ROBO1: variants seen among roughly 807,000 people sequenced by gnomAD.
ROBO1 encodes the protein roundabout homolog 1.
Under a neutral mutation model 195.9 loss-of-function variants are expected in ROBO1, and 149 were observed. That is an observed-to-expected ratio of 0.76 (90% CI 0.67 to 0.87). ROBO1 has a LOEUF of 0.87. ROBO1 is among the 40% of genes least tolerant of loss of function. ROBO1 has a pLI of 0.00. For missense variants in ROBO1, 1,933 were observed against 2,068.3 expected (o/e 0.93, Z 1.27); for synonymous variants, 816 against 733.2 (o/e 1.11, Z -1.82).
At chr3:78,865,660 A>T (rs1352771652) in intron 4 of ROBO1, among the ~76,000 whole-genome samples, 1 of 151,560 alleles carries the variant, frequency 6.6e-6, no homozygotes, top group African/African-American at 2.4e-5. Context: ...TTTAGTAGAG[A>T]CGGGGTTTCA....
rs1180096551 is a variant in ROBO1, at chr3:79,735,264, A to G, written c.-51+32488T>C. ...TCAAGAATTATCAAGCTAGAGGGCA[A>G]TGACTTCAGTAGCACAATAAGGAAT... On this transcript the variant is annotated intron_variant, in intron 1 of 30. Coordinates refer to ENST00000464233, the MANE Select transcript of ROBO1 (RefSeq NM_002941.4). 3.9e-5 allele frequency among the ~76,000 whole-genome samples: 6 copies of G among 152,224 alleles called. No individual in the cohort carries two copies. The East Asian group carries it at 9.7e-4, about 25-fold the overall frequency.
rs17016758 is a variant in ROBO1 at position 79,122,272 on chromosome 3, G to A, written c.172+3184C>T. On this transcript the variant is annotated intron_variant, in intron 3 of 30. Transcript: ENST00000464233. ...ACACGCGTGGTTAAACAAGAAATGG[G>A]CCACTTCACTGTAAATAATGCCCAA... Among the ~76,000 whole-genome samples, 1,249 of 152,066 alleles carry A rather than the reference G, an allele frequency of 8.2e-3. 22 individuals carry two copies. The highest frequency in any genetic ancestry group is 0.029 in the African/African-American group (1,205 of 41,522).
At chr3:78,798,570 T>A (rs2108560988) in intron 4 of ROBO1, among the ~76,000 whole-genome samples, 1 of 152,328 alleles carries the variant, frequency 6.6e-6, no homozygotes, top group South Asian at 2.1e-4. Flanking sequence ...CACACATCTT[T>A]TTATTATCAG....
intron 2 of ROBO1, among the ~76,000 whole-genome samples, chr3:79,191,511 C>T (rs1279631218): frequency 1.3e-5 from 2 of 151,284 alleles, no homozygotes; most frequent in Admixed American, 6.6e-5. Flanking sequence ...AGGTAATTAA[C>T]TGTGTGAAGT....
intron 2 of ROBO1, among the ~76,000 whole-genome samples, chr3:79,352,079 T>C (rs2035364769): frequency 6.6e-6 from 1 of 152,232 alleles, no homozygotes; most frequent in South Asian, 2.1e-4. Flanking sequence ...ATGCTAGATA[T>C]TCCTTTTGCT....
intron 3 of ROBO1, among the ~76,000 whole-genome samples, chr3:79,023,155 G>A (rs1448571863): frequency 3.7e-4 from 1 of 2,704 alleles, no homozygotes; most frequent in Non-Finnish European, 1.5e-3. Context: ...CTGATGAGAA[G>A]CAGTGACACA....
At chr3:79,365,569 C>A (rs1256144148) in intron 2 of ROBO1, among the ~76,000 whole-genome samples, 2 of 152,134 alleles carry the variant, frequency 1.3e-5, no homozygotes, top group Non-Finnish European at 2.9e-5. Context: ...CTTGCAGCTG[C>A]ACTTCTATTT....
At chr3:79,759,449 C>A (rs570569205) in intron 1 of ROBO1, among the ~76,000 whole-genome samples, 28 of 152,252 alleles carry the variant, frequency 1.8e-4, no homozygotes, top group African/African-American at 6.5e-4. Context: ...TTCTTCCTTC[C>A]AAGTACTGAA....
chr3:79,375,732 C>T (rs930174113), intron 2 of ROBO1, among the ~76,000 whole-genome samples: 3 of 152,058 alleles, frequency 2.0e-5, no homozygotes, highest in African/African-American at 7.2e-5. Context: ...ACTCAGTCCT[C>T]GCTATATTAA....
Position 79,575,434 on chromosome 3 carries a change from A to G in ROBO1, c.88+14390T>C, listed in dbSNP as rs867198340. Among the ~76,000 whole-genome samples the G allele has an allele frequency of 2.7e-3, 355 of 133,194 alleles. 2 individuals carry two copies. Among genetic ancestry groups the G allele is most frequent in the African/African-American group, 9.3e-3 (334 of 35,724 alleles). 87.4% of individuals were successfully genotyped at this position (133,194 alleles called of 152,430 possible). On this transcript the variant is annotated intron_variant, in intron 2 of 30. Transcript: ENST00000464233. The stretch of plus-strand genomic sequence containing the variant: ...ATAACAAATATATATATAAATATAT[A>G]TATAACAAATATATATAAATATATA...
chr3:79,607,887 C>A (rs1348487799), intron 1 of ROBO1, among the ~76,000 whole-genome samples: 1 of 151,908 alleles, frequency 6.6e-6, no homozygotes, highest in African/African-American at 2.4e-5. Context: ...TTGCCATAAC[C>A]AGGATGTTGA....
chr3:79,474,573 C>T (rs1938449319), intron 2 of ROBO1, among the ~76,000 whole-genome samples: 1 of 152,076 alleles, frequency 6.6e-6, no homozygotes. Flanking sequence ...GCTATTAAAA[C>T]ATCTCCTTAC....
intron 2 of ROBO1, among the ~76,000 whole-genome samples, chr3:79,433,606 C>T (rs187717137): frequency 1.6e-4 from 24 of 152,116 alleles, no homozygotes; most frequent in African/African-American, 4.8e-4. Context: ...GAATCAGTAT[C>T]GTGAAATTGG....
chr3:79,276,871 C>T (rs1431342428), intron 2 of ROBO1, among the ~76,000 whole-genome samples: 1 of 151,944 alleles, frequency 6.6e-6, no homozygotes, highest in Non-Finnish European at 1.5e-5. Flanking sequence ...AAAAAGTGCT[C>T]AACACAATTG....
At chr3:78,837,707 C>G (rs758911286) in intron 4 of ROBO1, among the ~76,000 whole-genome samples, 3 of 151,634 alleles carry the variant, frequency 2.0e-5, no homozygotes, top group Non-Finnish European at 2.9e-5. Context: ...GTTTCCTTTC[C>G]TATATGTACC....
intron 2 of ROBO1, among the ~76,000 whole-genome samples, chr3:79,390,529 G>A (rs1407846132): frequency 6.6e-6 from 1 of 152,184 alleles, no homozygotes; most frequent in Non-Finnish European, 1.5e-5. Flanking sequence ...AAAACTAGGT[G>A]TGTGTGGTGT....
chr3:79,503,464 C>T (rs1940223555), intron 2 of ROBO1, among the ~76,000 whole-genome samples: 1 of 152,312 alleles, frequency 6.6e-6, no homozygotes, highest in South Asian at 2.1e-4. Context: ...ATTCCGGACA[C>T]ACAAGCACAA....
chr3:79,469,038 C>T (rs889848192), intron 2 of ROBO1, among the ~76,000 whole-genome samples: 2 of 151,990 alleles, frequency 1.3e-5, no homozygotes, highest in African/African-American at 4.8e-5. Flanking sequence ...ACTTAACAAC[C>T]TACTAACAAG....
intron 4 of ROBO1, among the ~76,000 whole-genome samples, chr3:78,900,689 G>A (rs899625545): frequency 6.6e-6 from 1 of 151,864 alleles, no homozygotes; most frequent in Admixed American, 6.6e-5. Flanking sequence ...CAGATGTTCA[G>A]CTATGATTTT....
Sources: allele counts gnomAD v4.1 joint callset (sites outside exome capture counted in the v4.1 genomes callset), GRCh38; gene constraint gnomAD v4.1.1; transcripts MANE v1.5; gene names NCBI Gene and HGNC (gene_info 2026-07-23, HGNC 2026-07-21).